PPARD: variants seen among roughly 807,000 people sequenced by gnomAD.
PPARD encodes peroxisome proliferator-activated receptor delta.
Under a neutral mutation model 39.5 loss-of-function variants are expected in PPARD, and 6 were observed. The observed-to-expected ratio is 0.15, with a 90% CI of 0.08 to 0.30. The LOEUF is 0.30. Ranked by LOEUF, PPARD falls within the 10% of genes least tolerant of loss-of-function variation. PPARD has a pLI of 1.00. For missense variants in PPARD, 397 were observed against 596.8 expected (o/e 0.67, Z 3.49); for synonymous variants, 210 against 231.3 (o/e 0.91, Z 0.83).
chr6:35,385,917 G>C (rs964369783), intron 2 of PPARD, among the ~76,000 whole-genome samples: 2 of 152,076 alleles, frequency 1.3e-5, no homozygotes, highest in Admixed American at 6.5e-5. Context: ...GAGGGCGTTG[G>C]GGGTAGGAAA....
chr6:35,397,283 T>G (rs1764392680), intron 2 of PPARD, among the ~76,000 whole-genome samples: 2 of 151,574 alleles, frequency 1.3e-5, no homozygotes, highest in Non-Finnish European at 2.9e-5. Flanking sequence ...TTGTATAGTT[T>G]AAGGGAGGAA....
chr6:35,413,523 G>A (rs759986102), intron 3 of PPARD, among the ~76,000 whole-genome samples: 4 of 152,094 alleles, frequency 2.6e-5, no homozygotes, highest in Non-Finnish European at 4.4e-5. Flanking sequence ...AGACAAATAC[G>A]AATGGCCTGA....
At chr6:35,413,931 G>A (rs1765589624) in intron 3 of PPARD, among the ~76,000 whole-genome samples, 2 of 151,934 alleles carry the variant, frequency 1.3e-5, no homozygotes, top group African/African-American at 2.4e-5. Flanking sequence ...CTCCCGCCTC[G>A]GCCTCCCAAA....
chr6:35,420,851 G>T (rs1220541039), intron 4 of PPARD, among the ~76,000 whole-genome samples: 2 of 93,538 alleles, frequency 2.1e-5, no homozygotes, highest in Non-Finnish European at 2.0e-5. Context: ...TTTTGAGATG[G>T]AATCTCGATC....
At position 35,372,148 on chromosome 6, in the gene PPARD, C is replaced by A. The variant is rs188150016; in HGVS notation, c.-102+24998C>A. Among the ~76,000 whole-genome samples the A allele has an allele frequency of 4.6e-5, 7 of 152,312 alleles. No individual in the cohort carries two copies. The East Asian group carries it at 1.3e-3, about 29-fold the overall frequency. On this transcript the variant is annotated intron_variant, in intron 2 of 7. Transcript: ENST00000360694. ...GAGAATTAGATTGCATAGTGTCTAG[C>A]ACTGTGCCTGACACTCTGAGCTTTA...
intron 1 of PPARD, 125 bp downstream of exon 1, chr6:35,342,806 G>T (rs912123925): frequency 6.6e-6 from 1 of 152,244 alleles, no homozygotes; most frequent in African/African-American, 2.4e-5. Flanking sequence ...GGGAGCTGCC[G>T]GGGTCCGCGG....
chr6:35,384,026 A>C (rs1189511845), intron 2 of PPARD, among the ~76,000 whole-genome samples: 145 of 126,834 alleles, frequency 1.1e-3, no homozygotes, highest in Admixed American at 3.4e-3. Flanking sequence ...CCGCCCCGTC[A>C]GGGAGGGAGG....
chr6:35,379,749 G>C (rs1763034926), intron 2 of PPARD, among the ~76,000 whole-genome samples: 1 of 152,252 alleles, frequency 6.6e-6, no homozygotes, highest in Admixed American at 6.5e-5. Flanking sequence ...TTTCTCAGAT[G>C]ACTTGCTGGC....
At chr6:35,371,812 C>T (rs887019318) in intron 2 of PPARD, among the ~76,000 whole-genome samples, 3 of 152,226 alleles carry the variant, frequency 2.0e-5, no homozygotes, top group African/African-American at 7.2e-5. Context: ...CATTGACCTC[C>T]TCTCTGGGCC....
chr6:35,413,747 G>A (rs1765576764), intron 3 of PPARD, among the ~76,000 whole-genome samples: 2 of 150,784 alleles, frequency 1.3e-5, no homozygotes, highest in South Asian at 4.2e-4. Flanking sequence ...AGTGGCACAC[G>A]ATCTCAACTC....
At chr6:35,421,248 C>G (rs1766139570) in intron 4 of PPARD, among the ~76,000 whole-genome samples, 1 of 151,530 alleles carries the variant, frequency 6.6e-6, no homozygotes, top group Non-Finnish European at 1.5e-5. Flanking sequence ...CAGGCGTGAG[C>G]CACTGTGTCC....
At chr6:35,398,948 T>G (rs926099318) in intron 2 of PPARD, among the ~76,000 whole-genome samples, 2 of 151,936 alleles carry the variant, frequency 1.3e-5, no homozygotes, top group Non-Finnish European at 1.5e-5. Context: ...ACCCTGACTC[T>G]ACCAAAAAAT....
intron 1 of PPARD, among the ~76,000 whole-genome samples, chr6:35,345,874 G>GTTTTTT (rs947186291): frequency 1.3e-4 from 15 of 114,606 alleles, no homozygotes; most frequent in East Asian, 2.4e-4. Context: ...CTTTTTTTTC[G>GTTTTTT]TTTTTTTTTT....
In PPARD at chr6:35,425,803, G is replaced by A. The variant is rs367733423; in HGVS notation, c.1079-29G>A. The A allele has an allele frequency of 1.2e-6, 2 of 1,609,230 alleles. No homozygotes were observed. The highest frequency in any genetic ancestry group is 1.1e-5 in the South Asian group (1 of 90,860). ...TAGGGGAGCTCCACTGCCTTTCTGA[G>A]CTCCCTGGCGTGCCCTGTGTCCCCA... is the stretch of plus-strand genomic sequence containing the variant. On this transcript the variant is annotated intron_variant, in intron 7 of 7. Transcript: ENST00000360694. The surrounding 1 kb of genome is among the most constrained non-coding windows in gnomAD (Gnocchi z 4.5).
intron 2 of PPARD, among the ~76,000 whole-genome samples, chr6:35,402,576 A>G (rs1764774503): frequency 6.6e-6 from 1 of 152,124 alleles, no homozygotes; most frequent in African/African-American, 2.4e-5. Flanking sequence ...CAATGGGAAG[A>G]ATTGTGGAAT....
chr6:35,413,555 C>T (rs1765565672), intron 3 of PPARD, among the ~76,000 whole-genome samples: 1 of 152,128 alleles, frequency 6.6e-6, no homozygotes, highest in South Asian at 2.1e-4. Flanking sequence ...GTTTTTCAGT[C>T]TAACCAACTC....
At chr6:35,402,583 G>A (rs1414223407) in intron 2 of PPARD, among the ~76,000 whole-genome samples, 1 of 152,150 alleles carries the variant, frequency 6.6e-6, no homozygotes, top group African/African-American at 2.4e-5. Flanking sequence ...AAGAATTGTG[G>A]AATGCGTGGG....
chr6:35,388,949 T>C (rs1202507549), intron 2 of PPARD, among the ~76,000 whole-genome samples: 1 of 152,184 alleles, frequency 6.6e-6, no homozygotes, highest in Non-Finnish European at 1.5e-5. Context: ...CTCTGTGGGC[T>C]CTGACTCCAA....
At position 35,412,921 on chromosome 6, in the gene PPARD, G is replaced by A. The variant is rs1765519659; in HGVS notation, c.130+1704G>A. Among the ~76,000 whole-genome samples the A allele has an allele frequency of 6.6e-6, 1 of 152,186 alleles. No individual in the cohort carries two copies. Among genetic ancestry groups the A allele is most frequent in the Non-Finnish European group, 1.5e-5 (1 of 68,032 alleles). On this transcript the variant is annotated intron_variant, in intron 3 of 7. Transcript: ENST00000360694. This position sits in a 1 kb window ranked among gnomAD's most constrained non-coding sequence, Gnocchi z 4.1. ...ACTGTTCTAAATCTGAAGAAGGTAGGGAGGGTTAGAAAGCAAAGGGAAGAC... is the reference window on the plus strand; with the variant it reads ...ACTGTTCTAAATCTGAAGAAGGTAGAGAGGGTTAGAAAGCAAAGGGAAGAC...
Sources: gnomAD v4.1 joint callset for allele counts (sites outside exome capture counted in the v4.1 genomes callset) on GRCh38, gnomAD v4.1.1 for gene constraint, Gnocchi (gnomAD v3.1) non-coding constraint, MANE v1.5 for transcripts, NCBI Gene and HGNC (gene_info 2026-07-23, HGNC 2026-07-21) for gene names.